Variants in FGGY observed in about 807,000 individuals in gnomAD.
The protein encoded by FGGY is FGGY carbohydrate kinase domain containing.
FGGY carries 72 observed loss-of-function variants against 71.3 expected under a neutral mutation model. That is an observed-to-expected ratio of 1.01 (90% CI 0.84 to 1.23). The LOEUF (loss-of-function observed/expected upper bound fraction) is 1.23. Ranked by LOEUF, FGGY falls within the 50% of genes most tolerant of loss-of-function variation. The pLI is 0.00. For missense variants in FGGY, 668 were observed against 682.3 expected, an observed-to-expected ratio of 0.98 and a Z score of 0.23; for synonymous variants, 251 against 250.3, an observed-to-expected ratio of 1.00 and a Z score of -0.02.
intron 15 of FGGY, among the ~76,000 whole-genome samples, chr1:59,758,323 C>T (rs2098312311): frequency 6.6e-6 from 1 of 152,162 alleles, no homozygotes; most frequent in African/African-American, 2.4e-5. Context: ...TCTGCTCATT[C>T]TTTTACTCTT....
At chr1:59,507,875 C>T (rs1558161600) in intron 6 of FGGY, among the ~76,000 whole-genome samples, 1 of 152,020 alleles carries the variant, frequency 6.6e-6, no homozygotes, top group African/African-American at 2.4e-5. Flanking sequence ...CACTTACAGT[C>T]GTGCCCCTCT....
At chr1:59,579,415 C>T (rs1227119606) in intron 8 of FGGY, among the ~76,000 whole-genome samples, 1 of 152,108 alleles carries the variant, frequency 6.6e-6, no homozygotes, top group Admixed American at 6.5e-5. Flanking sequence ...TATATTTAAT[C>T]ACCTACTCAG....
intron 14 of FGGY, among the ~76,000 whole-genome samples, chr1:59,681,802 A>ACG (rs1228017852): frequency 1.2e-5 from 1 of 83,418 alleles, no homozygotes; most frequent in Non-Finnish European, 2.9e-5. Flanking sequence ...ACACACACAC[A>ACG]CATGCACACA....
intron 6 of FGGY, among the ~76,000 whole-genome samples, chr1:59,499,757 A>G (rs1350596657): frequency 6.6e-6 from 1 of 152,234 alleles, no homozygotes; most frequent in African/African-American, 2.4e-5. Flanking sequence ...CAACAGTAAC[A>G]GCAGACTTAG....
At position 59,457,086 on chromosome 1, in the gene FGGY, T is replaced by G; in HGVS notation, c.670+10T>G. 6.4e-7 allele frequency: 1 copy of G among 1,565,564 alleles called. No homozygotes were observed. The highest frequency in any genetic ancestry group is 8.8e-7 in the Non-Finnish European group (1 of 1,136,052). On this transcript the variant is annotated intron_variant, in intron 6 of 15. Coordinates refer to ENST00000303721, the MANE Select transcript of FGGY (RefSeq NM_018291.5). ...AATTACAGCAAAATAGGTAAAAGAA[T>G]AAAACATCTGTAGAGTGATTATGTG...
chr1:59,537,123 T>G (rs1290594386), intron 7 of FGGY, among the ~76,000 whole-genome samples: 1 of 150,810 alleles, frequency 6.6e-6, no homozygotes, highest in Non-Finnish European at 1.5e-5. Flanking sequence ...AAAATCTCCT[T>G]AAGCTGATAA....
chr1:59,357,371 C>T (rs1297858641), intron 4 of FGGY, among the ~76,000 whole-genome samples: 1 of 152,160 alleles, frequency 6.6e-6, no homozygotes, highest in Non-Finnish European at 1.5e-5. Flanking sequence ...TACTTTATGG[C>T]TATGGCAGAC....
chr1:59,402,943 A>T (rs2062167776), intron 5 of FGGY, among the ~76,000 whole-genome samples: 1 of 152,144 alleles, frequency 6.6e-6, no homozygotes, highest in Non-Finnish European at 1.5e-5. Context: ...AAGCCTGGGT[A>T]TGGGGGTCCC....
At chr1:59,736,087 G>A (rs1229181559) in intron 14 of FGGY, among the ~76,000 whole-genome samples, 1 of 152,150 alleles carries the variant, frequency 6.6e-6, no homozygotes, top group African/African-American at 2.4e-5. Context: ...TTATAAGGGG[G>A]AATTTCCCTG....
chr1:59,349,969 A>G (rs1296660350), intron 4 of FGGY, among the ~76,000 whole-genome samples: 1 of 152,144 alleles, frequency 6.6e-6, no homozygotes, highest in Admixed American at 6.6e-5. Context: ...ACCACTTTTA[A>G]TTCCAAAAGC....
chr1:59,615,029 G>A (rs2096735744), intron 9 of FGGY, among the ~76,000 whole-genome samples: 1 of 152,300 alleles, frequency 6.6e-6, no homozygotes, highest in South Asian at 2.1e-4. Context: ...AACATTCCAT[G>A]CTCATGGGTA....
chr1:59,371,723 G>A (rs1333525498), intron 4 of FGGY, among the ~76,000 whole-genome samples: 1 of 152,086 alleles, frequency 6.6e-6, no homozygotes, highest in Non-Finnish European at 1.5e-5. Flanking sequence ...AGACCACAGT[G>A]CAATCAAACT....
chr1:59,745,545 T>G (rs1186633631), intron 14 of FGGY, among the ~76,000 whole-genome samples: 1 of 152,232 alleles, frequency 6.6e-6, no homozygotes, highest in African/African-American at 2.4e-5. Context: ...TCAAAAGTGT[T>G]CAGACCCTGC....
intron 8 of FGGY, among the ~76,000 whole-genome samples, chr1:59,564,004 T>C (rs2153723184): frequency 6.6e-6 from 1 of 152,302 alleles, no homozygotes; most frequent in Non-Finnish European, 1.5e-5. Flanking sequence ...AAACTGAAAC[T>C]GGACCCCTTC....
intron 9 of FGGY, among the ~76,000 whole-genome samples, chr1:59,624,695 A>G (rs1317983085): frequency 1.3e-5 from 2 of 152,298 alleles, no homozygotes; most frequent in South Asian, 2.1e-4. Context: ...AGAGCCAAGT[A>G]AAACAGGAAA....
At chr1:59,761,251 G>C (rs940199277) in intron 15 of FGGY, among the ~76,000 whole-genome samples, 1 of 152,080 alleles carries the variant, frequency 6.6e-6, no homozygotes, top group Non-Finnish European at 1.5e-5. Flanking sequence ...TTTGGAGTTC[G>C]CCTTTTAACC....
chr1:59,592,385 C>T (rs574539236), intron 8 of FGGY, among the ~76,000 whole-genome samples: 7 of 151,946 alleles, frequency 4.6e-5, no homozygotes, highest in African/African-American at 1.7e-4. Context: ...GGCAATTCCT[C>T]AGGGATCTAG....
chr1:59,627,317 A>G (rs1201221140), intron 10 of FGGY, among the ~76,000 whole-genome samples: 1 of 151,646 alleles, frequency 6.6e-6, no homozygotes, highest in African/African-American at 2.4e-5. Context: ...TGTTAGCTAT[A>G]GTGACAACTC....
intron 3 of FGGY, among the ~76,000 whole-genome samples, chr1:59,345,184 A>G (rs1287452908): frequency 6.6e-6 from 1 of 152,204 alleles, no homozygotes; most frequent in Non-Finnish European, 1.5e-5. Flanking sequence ...ACACATTACA[A>G]ACATTTACTA....
Sources: gnomAD v4.1 joint callset for allele counts (sites outside exome capture counted in the v4.1 genomes callset) on GRCh38, gnomAD v4.1.1 for gene constraint, MANE v1.5 for transcripts, NCBI Gene and HGNC (gene_info 2026-07-23, HGNC 2026-07-21) for gene names.